Variants in OASL observed in about 807,000 individuals in gnomAD.
OASL encodes 2'-5'-oligoadenylate synthase-like protein.
In OASL, 28 loss-of-function variants were observed where a neutral mutation model predicts 35.3. The observed-to-expected ratio is 0.79, with a 90% confidence interval of 0.59 to 1.09. The LOEUF (loss-of-function observed/expected upper bound fraction) is 1.09. Among genes scored for constraint, OASL ranks in the 50% least tolerant of loss-of-function variants. The probability of loss-of-function intolerance (pLI) is 0.00; values close to 1 mark genes in which losing one functional copy is unlikely to be tolerated. For missense variants in OASL, 620 were observed against 635.2 expected, an observed-to-expected ratio of 0.98 and a Z score of 0.26; for synonymous variants, 252 against 254.6, an observed-to-expected ratio of 0.99 and a Z score of 0.10.
rs1026606154 is a variant in OASL at position 121,027,748 on chromosome 12, C to A, written c.727G>T (p.Ala243Ser). ...TCTTCTTCAGTACCCATTTCCCAGG[C>A]ATAGATGGTTAGAAGTTCAAGAGCA... is the stretch of plus-strand genomic sequence containing the variant. Residue 243 changes from alanine to serine, a missense_variant, in exon 4 of 6, where the codon GCC (alanine) becomes TCC (serine). By Grantham distance (99) the Ala-to-Ser change is moderately conservative. Transcript: ENST00000257570. The A allele has an allele frequency of 4.3e-6, 7 of 1,614,024 alleles. No homozygotes were observed. The Admixed American group carries it at 6.7e-5, about 15-fold the overall frequency.
intron 4 of OASL, among the ~76,000 whole-genome samples, chr12:121,024,852 A>G (rs1011447263): frequency 1.3e-5 from 2 of 152,196 alleles, no homozygotes; most frequent in Admixed American, 1.3e-4. Context: ...TTGAAGCACA[A>G]GGCCAAATCC....
chr12:121,021,940 T>C (rs1388051160), intron 5 of OASL, among the ~76,000 whole-genome samples: 1 of 152,202 alleles, frequency 6.6e-6, no homozygotes, highest in African/African-American at 2.4e-5. Context: ...GACAGGGCCT[T>C]GCCCTGTCAC....
chr12:121,033,798 C>T (rs1269533788), intron 1 of OASL, 55 bp from the exon 2 acceptor site: 5 of 1,571,760 alleles, frequency 3.2e-6, no homozygotes, highest in Non-Finnish European at 4.3e-6. Context: ...GCCAGGCAAC[C>T]CCTGCGGCAC....
At chr12:121,020,847 G>A in exon 6 of OASL, 2 of 1,614,226 alleles carry the variant, frequency 1.2e-6, no homozygotes, top group Admixed American at 1.7e-5. Context: ...GTGAGTGTGG[G>A]AGAAGATCCC....
downstream of OASL, among the ~76,000 whole-genome samples, chr12:121,018,198 C>T (rs941531330): frequency 6.6e-6 from 1 of 152,136 alleles, no homozygotes; most frequent in African/African-American, 2.4e-5. Context: ...GCGTGGCCAA[C>T]AGACAACATG....
exon 1 of OASL, chr12:121,038,982 A>T: frequency 3.1e-6 from 5 of 1,612,640 alleles, no homozygotes; most frequent in Non-Finnish European, 4.2e-6. Flanking sequence ...CTCTGTCCCG[A>T]GAGTACCGCT....
At chr12:121,025,722 A>G (rs1869453809) in intron 4 of OASL, among the ~76,000 whole-genome samples, 5 of 151,578 alleles carry the variant, frequency 3.3e-5, no homozygotes, top group Admixed American at 3.3e-4. Flanking sequence ...AGATCGTGCC[A>G]CTGAACTCCA....
chr12:121,022,085 CTTTTTTTTT>C (rs66924657), intron 5 of OASL, among the ~76,000 whole-genome samples: 3 of 108,032 alleles, frequency 2.8e-5, no homozygotes, highest in African/African-American at 1.0e-4. Context: ...AAGTTTTGTT[CTTTTTTTTT>C]TTTTTTTTTT....
At chr12:121,030,492 T>C (rs1258687275) in intron 3 of OASL, among the ~76,000 whole-genome samples, 4 of 152,132 alleles carry the variant, frequency 2.6e-5, no homozygotes, top group Non-Finnish European at 4.4e-5. Context: ...GCGTGAGCCA[T>C]CATGCCCAGC....
At position 121,020,854 on chromosome 12, in the gene OASL, T is replaced by C. The variant is rs113173892; in HGVS notation, c.1252A>G (p.Ile418Val). The C allele has an allele frequency of 7.5e-4, 1,214 of 1,614,132 alleles. 10 individuals are homozygous for C. In the African/African-American group the frequency reaches 0.014, roughly 19 times the overall value. The change falls in exon 6 of 6, where the codon ATC (isoleucine) becomes GTC (valine). Residue 418 changes from isoleucine (I) to valine (V), a missense_variant. Physicochemically the swap from Ile to Val is conservative, Grantham distance 29. Coordinates refer to ENST00000257570, the Ensembl canonical transcript of OASL. The stretch of plus-strand genomic sequence containing the variant: ...AGATAGATGTGAGTGTGGGAGAAGA[T>C]CCCATATTTGGCTAAGGAGCACCTG...
intron 3 of OASL, among the ~76,000 whole-genome samples, chr12:121,028,082 C>T (rs145657283): frequency 2.0e-4 from 30 of 152,298 alleles, no homozygotes; most frequent in African/African-American, 4.8e-4. Context: ...GAGCAGATTG[C>T]GCTCGGTCAC....
In OASL at chr12:121,020,416, T is replaced by A. The variant is rs985834072; in HGVS notation, c.*145A>T. 4.6e-6 allele frequency: 4 copies of A among 870,438 alleles called. No individual in the cohort carries two copies. In the African/African-American group the frequency reaches 6.7e-5, roughly 15 times the overall value. 53.9% of individuals were successfully genotyped at this position (870,438 alleles called of 1,614,324 possible). A position where few individuals can be genotyped will look rare whatever the true frequency, so the allele number is the denominator to read the frequency against. On this transcript the variant is annotated 3_prime_UTR_variant, in exon 6 of 6. Transcript: ENST00000257570. ...TCCCAAAGTTCTGGGATTACAGGTG[T>A]GAGCTACCACGTCTGGCCTGGGATA...
chr12:121,024,996 T>C (rs1341196559), intron 4 of OASL, among the ~76,000 whole-genome samples: 1 of 104,072 alleles, frequency 9.6e-6, no homozygotes, highest in Non-Finnish European at 1.9e-5. Flanking sequence ...TTTTTTTTTT[T>C]GAGACAGAGT....
intron 1 of OASL, among the ~76,000 whole-genome samples, chr12:121,035,620 C>A (rs1869924617): frequency 6.6e-6 from 1 of 152,120 alleles, no homozygotes; most frequent in South Asian, 2.1e-4. Flanking sequence ...AAGACTGAGG[C>A]AGTGAGGAGC....
intron 1 of OASL, among the ~76,000 whole-genome samples, chr12:121,036,747 G>A (rs1869972959): frequency 6.6e-6 from 1 of 152,160 alleles, no homozygotes. Flanking sequence ...TGTTGGGGAG[G>A]GGGTGGTCTA....
intron 3 of OASL, among the ~76,000 whole-genome samples, chr12:121,028,520 G>A (rs1361861872): frequency 1.3e-5 from 2 of 152,082 alleles, no homozygotes; most frequent in Non-Finnish European, 2.9e-5. Context: ...CACCAAGAGG[G>A]AAACAAGCCA....
Position 121,033,781 on chromosome 12 carries a change from G to A in OASL, c.199-38C>T, listed in dbSNP as rs151045800. 46 of 1,595,638 alleles carry A rather than the reference G, an allele frequency of 2.9e-5. No homozygotes were observed. The East Asian group carries it at 9.0e-4, about 31-fold the overall frequency. ...GAGCCCCGTCACCCTGAGGCCCACT[G>A]CCATGAGCCAGGCAACCCCTGCGGC... On this transcript the variant is annotated intron_variant, in intron 1 of 5. Coordinates refer to ENST00000257570, the Ensembl canonical transcript of OASL.
chr12:121,033,673 C>T (rs2135914403), exon 2 of OASL: 3 of 1,614,184 alleles, frequency 1.9e-6, no homozygotes, highest in East Asian at 4.5e-5. Flanking sequence ...GCTGTGGAAA[C>T]AGCTCAGAAA....
intron 5 of OASL, among the ~76,000 whole-genome samples, chr12:121,021,859 T>C (rs1423550640): frequency 6.6e-6 from 1 of 152,126 alleles, no homozygotes; most frequent in African/African-American, 2.4e-5. Context: ...AGCCTGGCAT[T>C]GCCAAGTTTT....
Sources: gnomAD v4.1 joint callset for allele counts (sites outside exome capture counted in the v4.1 genomes callset) on GRCh38, gnomAD v4.1.1 for gene constraint, MANE v1.5 for transcripts, NCBI Gene and HGNC (gene_info 2026-07-23, HGNC 2026-07-21) for gene names.